The following GRM7 variants were observed in gnomAD, a reference collection of about 807,000 sequenced individuals.
GRM7 encodes metabotropic glutamate receptor 7.
Under a neutral mutation model 84.5 loss-of-function variants are expected in GRM7, and 35 were observed. The ratio of observed to expected loss-of-function variants is 0.41; its 90% CI spans 0.32 to 0.55. The LOEUF is 0.55. Ranked by LOEUF, GRM7 falls within the 20% of genes least tolerant of loss-of-function variation. GRM7 has a pLI of 0.19. For synonymous variants in GRM7, 487 were observed against 455.1 expected (o/e 1.07, Z -0.89); for missense variants, 1,003 against 1,194.6 (o/e 0.84, Z 2.36).
At chr3:7,378,065 C>T (rs1421775895) in intron 4 of GRM7, among the ~76,000 whole-genome samples, 1 of 152,192 alleles carries the variant, frequency 6.6e-6, no homozygotes, top group Non-Finnish European at 1.5e-5. Flanking sequence ...TTGGAGCTGA[C>T]TCTAATCTCA....
At chr3:7,476,900 C>A (rs1214860240) in intron 7 of GRM7, among the ~76,000 whole-genome samples, 1 of 152,186 alleles carries the variant, frequency 6.6e-6, no homozygotes, top group Non-Finnish European at 1.5e-5. Context: ...TGAATACTGG[C>A]CACTGGACAC....
chr3:7,148,821 A>G (rs1694189777), intron 2 of GRM7, among the ~76,000 whole-genome samples: 1 of 152,170 alleles, frequency 6.6e-6, no homozygotes, highest in Admixed American at 6.5e-5. Flanking sequence ...AAATCTTTCC[A>G]TCCTAGAGCC....
At chr3:6,890,744 A>G (rs1473489406) in intron 1 of GRM7, among the ~76,000 whole-genome samples, 1 of 152,166 alleles carries the variant, frequency 6.6e-6, no homozygotes, top group Non-Finnish European at 1.5e-5. Flanking sequence ...GATGTCTATT[A>G]GGTCTGCTTG....
At chr3:7,294,858 G>T (rs572416784) in intron 2 of GRM7, among the ~76,000 whole-genome samples, 2 of 152,310 alleles carry the variant, frequency 1.3e-5, no homozygotes, top group African/African-American at 4.8e-5. Context: ...GATCTTTTCT[G>T]TTTGAAAGTT....
chr3:7,636,140 G>T lies in GRM7; in HGVS notation c.2452-43909G>T. On this transcript the variant is annotated intron_variant, in intron 8 of 9. Transcript: ENST00000357716. Reference sequence around the variant, plus strand: ...CTACCTAGAGGTTGTTCATTTTGATGCATGTTTATCTTTTGCCTAAACTGT... The same window carrying T: ...CTACCTAGAGGTTGTTCATTTTGATTCATGTTTATCTTTTGCCTAAACTGT... 3 of 433,700 alleles carry T rather than the reference G, an allele frequency of 6.9e-6. No homozygotes were observed. In the Admixed American group the frequency reaches 7.4e-5, roughly 11 times the overall value. The allele number at this position is 433,700 out of a possible 1,614,324, so 26.9% of individuals were successfully genotyped here. A position where few individuals can be genotyped will look rare whatever the true frequency, so the allele number is the denominator to read the frequency against.
chr3:7,733,694 T>C (rs758332260), intron 9 of GRM7, among the ~76,000 whole-genome samples: 17 of 152,226 alleles, frequency 1.1e-4, no homozygotes, highest in Non-Finnish European at 2.4e-4. Flanking sequence ...CCTCTGACAC[T>C]ACCCTGAATT....
intron 9 of GRM7, among the ~76,000 whole-genome samples, chr3:7,735,139 G>A (rs1702461613): frequency 2.6e-5 from 4 of 152,202 alleles, no homozygotes; most frequent in Admixed American, 2.0e-4. Flanking sequence ...AACAACAACT[G>A]TGAATCATGT....
At chr3:7,066,860 G>A (rs372537093) in intron 1 of GRM7, among the ~76,000 whole-genome samples, 1 of 151,928 alleles carries the variant, frequency 6.6e-6, no homozygotes, top group African/African-American at 2.4e-5. Flanking sequence ...ATGCAGGGAT[G>A]ATTTAACATA....
In GRM7 at chr3:7,578,679, TG is replaced by T; in HGVS notation, c.1774del (p.Val592Ter). 1 of 1,614,080 alleles carries T rather than the reference TG, an allele frequency of 6.2e-7. No homozygotes were observed. On this transcript the variant is annotated frameshift_variant, in exon 8 of 10. Transcript: ENST00000357716. LOFTEE classifies it high-confidence loss of function. ...IKLEWHSPWAVIPVFLAMLGI... is the reference protein window; with the variant it reads ...IKLEWHSPWAXIPVFLAMLGI... Reference sequence around the variant, plus strand: ...AACTGGAGTGGCACTCCCCCTGGGCTGTGATTCCTGTCTTCCTGGCAATGTT... The same window carrying T: ...AACTGGAGTGGCACTCCCCCTGGGCTTGATTCCTGTCTTCCTGGCAATGTT...
At chr3:7,690,168 A>T (rs1390674309) in intron 9 of GRM7, among the ~76,000 whole-genome samples, 2 of 152,170 alleles carry the variant, frequency 1.3e-5, no homozygotes, top group Non-Finnish European at 1.5e-5. Flanking sequence ...TTGGGCTTTG[A>T]AGCATACCGT....
chr3:7,451,217 T>G (rs954023267), intron 5 of GRM7, among the ~76,000 whole-genome samples: 1 of 152,212 alleles, frequency 6.6e-6, no homozygotes, highest in Non-Finnish European at 1.5e-5. Flanking sequence ...ATGCATAATT[T>G]AATGCAACAA....
intron 1 of GRM7, among the ~76,000 whole-genome samples, chr3:6,961,879 T>C (rs1427162239): frequency 6.6e-6 from 1 of 152,112 alleles, no homozygotes; most frequent in Non-Finnish European, 1.5e-5. Context: ...CCTCCTGAGG[T>C]ATAAACATAC....
intron 8 of GRM7, among the ~76,000 whole-genome samples, chr3:7,614,994 A>G (rs996865255): frequency 6.6e-6 from 1 of 152,254 alleles, no homozygotes; most frequent in Middle Eastern, 3.4e-3. Flanking sequence ...CCCTTTGGGC[A>G]GTGTTTGTAA....
Position 7,432,085 on chromosome 3 carries a change from G to A in GRM7, c.1174+16922G>A, listed in dbSNP as rs577809069. ...AATCTGAGACTCAAGCATGAAGCTG[G>A]AACTGCTTTGGGAGAAATAAAGTAG... On this transcript the variant is annotated intron_variant, in intron 5 of 9. Transcript: ENST00000357716. Among the ~76,000 whole-genome samples the A allele has an allele frequency of 1.2e-4, 19 of 152,270 alleles. No individual in the cohort carries two copies. The East Asian group carries it at 2.1e-3, about 17-fold the overall frequency.
intron 4 of GRM7, among the ~76,000 whole-genome samples, chr3:7,347,248 C>T (rs1315705219): frequency 6.6e-6 from 1 of 152,118 alleles, no homozygotes; most frequent in Non-Finnish European, 1.5e-5. Flanking sequence ...ATGCTTAAAA[C>T]TATTTCAAGG....
chr3:7,306,314 G>T (rs1575146401), intron 3 of GRM7, among the ~76,000 whole-genome samples, 184 bp from the exon 4 acceptor site: 1 of 152,060 alleles, frequency 6.6e-6, no homozygotes, highest in South Asian at 2.1e-4. Context: ...TTCTGAAGAT[G>T]CTTTTTCATT....
chr3:7,062,892 T>C (rs937121905), intron 1 of GRM7, among the ~76,000 whole-genome samples: 1 of 151,782 alleles, frequency 6.6e-6, no homozygotes, highest in Admixed American at 6.6e-5. Flanking sequence ...GAGTAGCTTA[T>C]CCTTGGCTGG....
chr3:7,680,148 C>T lies in GRM7; in HGVS notation c.2551C>T (p.His851Tyr), dbSNP rs1700305327. 1 of 1,614,126 alleles carries T rather than the reference C, an allele frequency of 6.2e-7. No individual in the cohort carries two copies. The highest frequency in any genetic ancestry group is 8.5e-7 in the Non-Finnish European group (1 of 1,179,972). The change falls in exon 9 of 10, where the codon CAC (histidine) becomes TAC (tyrosine). Residue 851 changes from histidine (H) to tyrosine (Y), a missense_variant. Coordinates refer to ENST00000357716, the MANE Select transcript of GRM7 (RefSeq NM_000844.4). Reference sequence around the variant, plus strand: ...GCCGAAAGTGTACATCATCATTTTCCACCCTGAACTCAATGTCCAGAAACG... The same window carrying T: ...GCCGAAAGTGTACATCATCATTTTCTACCCTGAACTCAATGTCCAGAAACG... ...YMPKVYIIIF[H>Y]PELNVQKRKR...
In GRM7 at chr3:7,320,681, A is replaced by AGTGTATGTGTGTGTGTGTGT. The variant is rs367833809; in HGVS notation, c.1033+14033_1033+14034insATGTGTGTGTGTGTGTGTGT. Among the ~76,000 whole-genome samples, 9 of 141,156 alleles carry AGTGTATGTGTGTGTGTGTGT rather than the reference A, an allele frequency of 6.4e-5. 1 individual carries two copies. The highest frequency in any genetic ancestry group is 2.4e-4 in the African/African-American group (9 of 38,220). 92.6% of individuals were successfully genotyped at this position (141,156 alleles called of 152,430 possible). ...TCCTGAACACCATCAGTGGGTGATC[A>AGTGTATGTGTGTGTGTGTGT]GTGTGTGTGTGTGTGTGTGTGTGTG... On this transcript the variant is annotated intron_variant, in intron 4 of 9. Coordinates refer to ENST00000357716, the MANE Select transcript of GRM7 (RefSeq NM_000844.4).
Sources: allele counts gnomAD v4.1 joint callset (sites outside exome capture counted in the v4.1 genomes callset), GRCh38; gene constraint gnomAD v4.1.1; transcripts MANE v1.5; gene names NCBI Gene and HGNC (gene_info 2026-07-23, HGNC 2026-07-21).